Variants in NAAA observed in about 807,000 individuals in gnomAD.
The protein encoded by NAAA is N-acylethanolamine acid amidase.
In NAAA, 39 loss-of-function variants were observed where a neutral mutation model predicts 44.8. The ratio of observed to expected loss-of-function variants is 0.87; its 90% CI spans 0.67 to 1.14. The LOEUF is 1.14. Ranked by LOEUF, NAAA falls within the 50% of genes most tolerant of loss-of-function variation. The pLI is 0.00. For missense variants in NAAA, 460 were observed against 467.8 expected (o/e 0.98, Z 0.15); for synonymous variants, 178 against 191.3 (o/e 0.93, Z 0.58).
intron 9 of NAAA, among the ~76,000 whole-genome samples, 166 bp from the exon 10 acceptor site, chr4:75,915,151 AT>A (rs1207939627): frequency 2.0e-5 from 3 of 152,108 alleles, no homozygotes; most frequent in Non-Finnish European, 2.9e-5. Flanking sequence ...CTTTCCTCCT[AT>A]TTTGACAACA....
chr4:75,939,937 C>A, intron 2 of NAAA, 64 bp downstream of exon 2: 1 of 1,577,712 alleles, frequency 6.3e-7, no homozygotes, highest in South Asian at 1.1e-5. Flanking sequence ...TGTCTCCTCC[C>A]GCTAGTCTGT....
At chr4:75,927,409 T>A (rs1482234723) in intron 4 of NAAA, among the ~76,000 whole-genome samples, 2 of 151,962 alleles carry the variant, frequency 1.3e-5, no homozygotes, top group African/African-American at 2.4e-5. Flanking sequence ...CCCGCCACTG[T>A]ACTCCAGCCT....
intron 9 of NAAA, among the ~76,000 whole-genome samples, chr4:75,915,525 T>G (rs1725553887): frequency 6.6e-6 from 1 of 152,064 alleles, no homozygotes; most frequent in South Asian, 2.1e-4. Flanking sequence ...GTGCTCTCTC[T>G]CAGTGGCCAT....
At position 75,925,725 on chromosome 4, in the gene NAAA, A is replaced by G; in HGVS notation, c.666+10T>C. ...GGAGTTAAGGAGGGCTCCACATTAA[A>G]TATACTCACAGCGCGGATCAGCCAG... On this transcript the variant is annotated intron_variant, in intron 5 of 10. Transcript: ENST00000286733. 1 of 1,614,052 alleles carries G rather than the reference A, an allele frequency of 6.2e-7. No homozygotes were observed. Among genetic ancestry groups the G allele is most frequent in the Non-Finnish European group, 8.5e-7 (1 of 1,179,904 alleles).
At chr4:75,917,675 A>C (rs1176777143) in intron 9 of NAAA, 2 of 270,478 alleles carry the variant, frequency 7.4e-6, no homozygotes, top group Non-Finnish European at 1.5e-5. Flanking sequence ...CATGTTGGCC[A>C]GGCTGGTCTT....
At chr4:75,933,533 C>G (rs1403159032) in intron 3 of NAAA, among the ~76,000 whole-genome samples, 1 of 151,952 alleles carries the variant, frequency 6.6e-6, no homozygotes, top group Non-Finnish European at 1.5e-5. Flanking sequence ...CAGGGTCACT[C>G]TTGGAGGGCT....
intron 6 of NAAA, 32 bp from the exon 7 acceptor site, chr4:75,920,832 A>T (rs763094115): frequency 6.2e-7 from 1 of 1,614,172 alleles, no homozygotes; most frequent in South Asian, 1.1e-5. Context: ...TGTCTTATCC[A>T]AGGCAATTTA....
intron 9 of NAAA, 148 bp downstream of exon 9, chr4:75,918,613 G>T: frequency 3.1e-6 from 2 of 653,410 alleles, no homozygotes; most frequent in Non-Finnish European, 2.6e-6. Flanking sequence ...TGTTTTGCTC[G>T]CAGCTGTACC....
At chr4:75,923,792 CCT>C (rs1402127421) in intron 5 of NAAA, among the ~76,000 whole-genome samples, 1 of 152,158 alleles carries the variant, frequency 6.6e-6, no homozygotes, top group Non-Finnish European at 1.5e-5. Flanking sequence ...TCTGCCTCGG[CCT>C]CCCAAAGTGC....
At chr4:75,936,645 T>C (rs1415339871) in intron 2 of NAAA, among the ~76,000 whole-genome samples, 2 of 152,362 alleles carry the variant, frequency 1.3e-5, no homozygotes, top group Non-Finnish European at 2.9e-5. Flanking sequence ...CCTCTCCATA[T>C]ATGAATTCCT....
chr4:75,936,315 CA>C, intron 2 of NAAA, 80 bp from the exon 3 acceptor site: 1 of 1,501,788 alleles, frequency 6.7e-7, no homozygotes, highest in South Asian at 1.2e-5. Context: ...ATTTGTAAAA[CA>C]AATCCTCAAA....
In NAAA at chr4:75,921,123, T is replaced by C; in HGVS notation, c.667A>G (p.Thr223Ala). The C allele has an allele frequency of 6.4e-7, 1 of 1,570,232 alleles. No individual in the cohort carries two copies. Among genetic ancestry groups the C allele is most frequent in the Non-Finnish European group, 8.6e-7 (1 of 1,163,936 alleles). Residue 223 changes from threonine to alanine, a missense_variant and splice_region_variant, in exon 6 of 11, where the codon ACC becomes GCC. Coordinates refer to ENST00000286733, the MANE Select transcript of NAAA (RefSeq NM_014435.4). Reference sequence around the variant, plus strand: ...TCGAAGTTTTCCGACTCACTCAGGGTCTGAACGAAAGGATGAACTTGCGTG... The same window carrying C: ...TCGAAGTTTTCCGACTCACTCAGGGCCTGAACGAAAGGATGAACTTGCGTG... ...HIPVSWLIRA[T>A]LSESENFEAA...
rs371842351 is a variant in NAAA, at chr4:75,918,457, GAA to G, written c.998+302_998+303del. Among the ~76,000 whole-genome samples, 725 of 147,998 alleles carry G rather than the reference GAA, an allele frequency of 4.9e-3. 4 individuals are homozygous for G. Among genetic ancestry groups the G allele is most frequent in the African/African-American group, 0.017 (680 of 40,496 alleles). On this transcript the variant is annotated intron_variant, in intron 9 of 10. Coordinates refer to ENST00000286733, the MANE Select transcript of NAAA (RefSeq NM_014435.4). ...GTGACAGAGCGAGACTCTGGCTCAA[GAA>G]AAAAAAAAATTCCCAGAGCCTCCTT... is the stretch of plus-strand genomic sequence containing the variant.
chr4:75,916,009 A>G (rs890558119), intron 9 of NAAA, among the ~76,000 whole-genome samples: 1 of 152,336 alleles, frequency 6.6e-6, no homozygotes, highest in East Asian at 1.9e-4. Context: ...ACTGTAAGCA[A>G]GTGCAGAGCT....
chr4:75,940,150 C>T lies in NAAA; in HGVS notation c.222G>A (p.Lys74=). The T allele has an allele frequency of 6.2e-7, 1 of 1,613,770 alleles. No individual in the cohort carries two copies. Among genetic ancestry groups the T allele is most frequent in the Non-Finnish European group, 8.5e-7 (1 of 1,179,828 alleles). The change falls in exon 2 of 11, where the codon AAG becomes AAA. Residue 74 remains lysine, a synonymous_variant. Coordinates refer to ENST00000286733, the MANE Select transcript of NAAA (RefSeq NM_014435.4). ...MAQVIGDRVP[K]WVHVLIGKVV... is the part of the protein sequence containing the mutation. The stretch of plus-strand genomic sequence containing the variant: ...CTTTTCCGATTAACACGTGCACCCA[C>T]TTGGGGACTCTGTCCCTAGAAACAA...
At chr4:75,935,312 C>T (rs756750036) in intron 3 of NAAA, 1 of 152,142 alleles carries the variant, frequency 6.6e-6, no homozygotes, top group Non-Finnish European at 1.5e-5. Context: ...GAATATAGTC[C>T]TTGTCCTTAC....
Position 75,940,875 on chromosome 4 carries a change from C to A in NAAA, c.75G>T (p.Leu25=). 1 of 1,566,638 alleles carries A rather than the reference C, an allele frequency of 6.4e-7. No individual in the cohort carries two copies. The highest frequency in any genetic ancestry group is 8.6e-7 in the Non-Finnish European group (1 of 1,166,404). Residue 25 remains leucine (L), a synonymous_variant, in exon 1 of 11, where the codon CTG becomes CTT. Transcript: ENST00000286733. ...GCGCTGCTGGGGGCGAGGCGGCTGA[C>A]AGCCCGGCCCCGGCCAGCAGCAGCA... ...LLLLLLAGAG[L]SAASPPAAPR...
At chr4:75,938,623 A>G (rs1169407813) in intron 2 of NAAA, among the ~76,000 whole-genome samples, 1 of 152,156 alleles carries the variant, frequency 6.6e-6, no homozygotes, top group African/African-American at 2.4e-5. Context: ...TCATTATTCC[A>G]AGATCTTTTC....
intron 4 of NAAA, among the ~76,000 whole-genome samples, chr4:75,926,927 G>A (rs1726756981): frequency 1.3e-5 from 2 of 151,000 alleles, no homozygotes; most frequent in Non-Finnish European, 3.0e-5. Flanking sequence ...TTGCTTGAGC[G>A]CTGTTGGTCA....
Sources: allele counts gnomAD v4.1 joint callset (sites outside exome capture counted in the v4.1 genomes callset), GRCh38; gene constraint gnomAD v4.1.1; transcripts MANE v1.5; gene names NCBI Gene and HGNC (gene_info 2026-07-23, HGNC 2026-07-21).